Variants in ERC2 observed in about 807,000 individuals in gnomAD.
The protein encoded by ERC2 is ELKS/RAB6-interacting/CAST family member 2, also known as ERC protein 2.
Under a neutral mutation model 114.8 loss-of-function variants are expected in ERC2, and 42 were observed. That is an observed-to-expected ratio of 0.37 (90% CI 0.29 to 0.47). The LOEUF (loss-of-function observed/expected upper bound fraction) is 0.47. Among genes scored for constraint, ERC2 ranks in the 20% least tolerant of loss-of-function variants. The pLI is 0.99. For missense variants in ERC2, 939 were observed against 1,150.7 expected (o/e 0.82, Z 2.66); for synonymous variants, 454 against 425.5 (o/e 1.07, Z -0.82).
intron 10 of ERC2, among the ~76,000 whole-genome samples, chr3:55,999,377 T>C (rs2149542694): frequency 6.6e-6 from 1 of 152,208 alleles, no homozygotes; most frequent in Admixed American, 6.5e-5. Flanking sequence ...AGATAAAAAG[T>C]AAAAGGTTCC....
chr3:56,136,235 A>G (rs2080497702), intron 6 of ERC2, among the ~76,000 whole-genome samples: 1 of 152,138 alleles, frequency 6.6e-6, no homozygotes, highest in African/African-American at 2.4e-5. Context: ...CCGTTAAGCC[A>G]TGACGTCTGT....
intron 13 of ERC2, among the ~76,000 whole-genome samples, chr3:55,897,841 C>T (rs772318354): frequency 1.3e-5 from 2 of 152,162 alleles, no homozygotes; most frequent in Non-Finnish European, 2.9e-5. Context: ...AACTGAAAAT[C>T]CCCAGACTGC....
intron 3 of ERC2, among the ~76,000 whole-genome samples, chr3:56,208,957 A>T (rs1343068125): frequency 6.6e-6 from 1 of 152,106 alleles, no homozygotes; most frequent in Non-Finnish European, 1.5e-5. Flanking sequence ...GGGCCTGGTG[A>T]CTTAGCTGAG....
intron 2 of ERC2, among the ~76,000 whole-genome samples, chr3:56,326,599 A>T (rs2057373730): frequency 6.6e-6 from 1 of 152,088 alleles, no homozygotes; most frequent in Non-Finnish European, 1.5e-5. Flanking sequence ...CAGATTCCAG[A>T]TTTTTCTTTC....
At chr3:55,924,891 C>T (rs920378015) in intron 13 of ERC2, among the ~76,000 whole-genome samples, 4 of 152,142 alleles carry the variant, frequency 2.6e-5, no homozygotes, top group Admixed American at 1.3e-4. Context: ...CCTGTGTGAG[C>T]TTGATCTGAC....
intron 15 of ERC2, among the ~76,000 whole-genome samples, chr3:55,731,336 G>A (rs1282149403): frequency 2.0e-5 from 3 of 152,204 alleles, no homozygotes; most frequent in African/African-American, 7.2e-5. Flanking sequence ...TACCTCTGAG[G>A]GTTGGCAGTG....
At chr3:56,402,954 T>A (rs2060575948) in intron 2 of ERC2, among the ~76,000 whole-genome samples, 1 of 152,178 alleles carries the variant, frequency 6.6e-6, no homozygotes, top group Non-Finnish European at 1.5e-5. Context: ...TTTAGCAGCA[T>A]CCCTGGCCTC....
intron 13 of ERC2, among the ~76,000 whole-genome samples, chr3:55,938,121 A>G (rs2066568307): frequency 6.7e-6 from 1 of 150,058 alleles, no homozygotes; most frequent in South Asian, 2.1e-4. Flanking sequence ...TAGACAGGGC[A>G]TGAGAGAGAA....
chr3:55,942,298 T>TG (rs2066852872), intron 13 of ERC2, among the ~76,000 whole-genome samples: 2 of 129,148 alleles, frequency 1.5e-5, no homozygotes, highest in African/African-American at 6.1e-5. Flanking sequence ...TTTTTTTTTT[T>TG]TTTTTGTTGA....
chr3:56,141,556 T>C (rs2080856122), intron 5 of ERC2, among the ~76,000 whole-genome samples: 1 of 152,232 alleles, frequency 6.6e-6, no homozygotes, highest in Non-Finnish European at 1.5e-5. Context: ...AGAATTTCAA[T>C]GTTTCATCAT....
At chr3:55,924,859 G>A (rs1238168230) in intron 13 of ERC2, among the ~76,000 whole-genome samples, 1 of 152,176 alleles carries the variant, frequency 6.6e-6, no homozygotes, top group Non-Finnish European at 1.5e-5. Flanking sequence ...AATGAACCCT[G>A]TGTGGATATA....
chr3:56,136,894 G>A (rs576267652), intron 6 of ERC2, among the ~76,000 whole-genome samples: 65 of 152,300 alleles, frequency 4.3e-4, no homozygotes, highest in Admixed American at 1.4e-3. Context: ...CAAAGCAGAA[G>A]ACTTAGAAAA....
intron 14 of ERC2, among the ~76,000 whole-genome samples, chr3:55,791,937 T>C (rs1032609682): frequency 6.6e-6 from 1 of 152,216 alleles, no homozygotes; most frequent in African/African-American, 2.4e-5. Flanking sequence ...ACATTTTTAC[T>C]CCAGAGTTCT....
intron 2 of ERC2, among the ~76,000 whole-genome samples, chr3:56,319,809 A>T (rs2057043326): frequency 6.6e-6 from 1 of 152,154 alleles, no homozygotes; most frequent in Non-Finnish European, 1.5e-5. Flanking sequence ...CATCTCTATA[A>T]AAAACAAACC....
intron 5 of ERC2, among the ~76,000 whole-genome samples, chr3:56,141,759 A>T (rs1348110800): frequency 3.3e-5 from 5 of 152,284 alleles, no homozygotes; most frequent in East Asian, 3.9e-4. Context: ...TGAAATTTTT[A>T]ACCTTAATCT....
At chr3:55,597,128 A>C (rs886802501) in intron 17 of ERC2, among the ~76,000 whole-genome samples, 1 of 152,224 alleles carries the variant, frequency 6.6e-6, no homozygotes, top group Non-Finnish European at 1.5e-5. Flanking sequence ...GTGTTAAAAG[A>C]AGAATGATTT....
chr3:56,110,774 T>C (rs2078915934), intron 6 of ERC2, among the ~76,000 whole-genome samples: 1 of 152,204 alleles, frequency 6.6e-6, no homozygotes, highest in South Asian at 2.1e-4. Flanking sequence ...CATGATATGA[T>C]ACATCAATAC....
rs186610005 is a variant in ERC2 at position 55,815,811 on chromosome 3, T to C, written c.2564+72578A>G. Reference sequence around the variant, plus strand: ...GGAAAGTTGACAGCCTTGTCAAAACTGGTAAGGGGGTAAAGAAGTGAGCCA... The same window carrying C: ...GGAAAGTTGACAGCCTTGTCAAAACCGGTAAGGGGGTAAAGAAGTGAGCCA... On this transcript the variant is annotated intron_variant, in intron 14 of 17. Coordinates refer to ENST00000288221, the MANE Select transcript of ERC2 (RefSeq NM_015576.3). 3.9e-5 allele frequency among the ~76,000 whole-genome samples: 6 copies of C among 152,250 alleles called. No individual in the cohort carries two copies. The East Asian group carries it at 9.6e-4, about 24-fold the overall frequency.
In ERC2 at chr3:56,454,858, C is replaced by CA. The variant is rs1491351849; in HGVS notation, c.-141+13389dup. 3.2e-3 allele frequency among the ~76,000 whole-genome samples: 69 copies of CA among 21,436 alleles called. 4 individuals are homozygous for CA. The highest frequency in any genetic ancestry group is 8.8e-3 in the African/African-American group (48 of 5,438). The allele number at this position is 21,436 out of a possible 152,430, so 14.1% of individuals were successfully genotyped here. A position where few individuals can be genotyped will look rare whatever the true frequency, so the allele number is the denominator to read the frequency against. On this transcript the variant is annotated intron_variant, in intron 1 of 17. Transcript: ENST00000288221. ...TGGGCAACAGAGTGAGACTCTGTCT[C>CA]AGAAAAAAAAAAAAAAAAAAAGGAA...
Sources: allele counts gnomAD v4.1 joint callset (sites outside exome capture counted in the v4.1 genomes callset), GRCh38; gene constraint gnomAD v4.1.1; transcripts MANE v1.5; gene names NCBI Gene and HGNC (gene_info 2026-07-23, HGNC 2026-07-21).